ADGRA3: variants seen among roughly 807,000 people sequenced by gnomAD.
The protein encoded by ADGRA3 is G-protein coupled receptor 125.
ADGRA3 carries 56 observed loss-of-function variants against 119.8 expected under a neutral mutation model. That is an observed-to-expected ratio of 0.47 (90% CI 0.38 to 0.58). ADGRA3 has a LOEUF of 0.58. Among genes scored for constraint, ADGRA3 ranks in the 20% least tolerant of loss-of-function variants. The pLI is 0.00. For missense variants in ADGRA3, 1,516 were observed against 1,649.0 expected (o/e 0.92, Z 1.40); for synonymous variants, 607 against 623.8 (o/e 0.97, Z 0.40).
At chr4:22,427,488 A>C (rs948562112) in intron 10 of ADGRA3, among the ~76,000 whole-genome samples, 9 of 152,280 alleles carry the variant, frequency 5.9e-5, no homozygotes, top group African/African-American at 2.2e-4. Context: ...AATATCTCTA[A>C]GAAGGTACAG....
At chr4:22,461,472 G>A (rs995134666) in intron 3 of ADGRA3, among the ~76,000 whole-genome samples, 5 of 152,096 alleles carry the variant, frequency 3.3e-5, no homozygotes, top group African/African-American at 4.8e-5. Flanking sequence ...GCTCATTTTC[G>A]TATTTTTAGT....
rs1714194570 is a variant in ADGRA3 at position 22,392,869 on chromosome 4, A to G, written c.2482-179T>C. 23 of 556,636 alleles carry G rather than the reference A, an allele frequency of 4.1e-5. No homozygotes were observed. The East Asian group carries it at 6.9e-4, about 17-fold the overall frequency. 34.5% of individuals were successfully genotyped at this position (556,636 alleles called of 1,614,324 possible). ...TCTAATAGACATGTGACAGGGAATC[A>G]CAATCCTCAAATACACAAACCAACA... On this transcript the variant is annotated intron_variant, in intron 16 of 18. Transcript: ENST00000334304.
Position 22,413,178 on chromosome 4 carries a change from A to T in ADGRA3, c.2232+4T>A. 6.2e-7 allele frequency: 1 copy of T among 1,602,486 alleles called. No individual in the cohort carries two copies. ...TTTATGCATAAAGTTAACAACTGCCATACCATTAAAACTGCATAGTTACTA... is the reference window on the plus strand; with the variant it reads ...TTTATGCATAAAGTTAACAACTGCCTTACCATTAAAACTGCATAGTTACTA... On this transcript the variant is annotated splice_donor_region_variant and intron_variant, in intron 14 of 18. Transcript: ENST00000334304.
chr4:22,420,901 C>T lies in ADGRA3; in HGVS notation c.1794G>A (p.Ser598=), dbSNP rs376329914. Residue 598 remains serine (S), a synonymous_variant, in exon 12 of 19, where the codon TCG becomes TCA. Coordinates refer to ENST00000334304, the MANE Select transcript of ADGRA3 (RefSeq NM_145290.4). ...TGTAACATACCTTTAGTGCCAGACT[C>T]GAAAATGTATTTGAAACATTGCACT... ...SFKCNVSNTF[S]SLALKNTIVE... is the part of the protein sequence containing the mutation. 1.2e-6 allele frequency: 2 copies of T among 1,613,768 alleles called. No individual in the cohort carries two copies. The highest frequency in any genetic ancestry group is 2.2e-5 in the South Asian group (2 of 91,076).
chr4:22,410,995 G>T (rs1365143487), intron 14 of ADGRA3, among the ~76,000 whole-genome samples: 1 of 152,140 alleles, frequency 6.6e-6, no homozygotes, highest in Non-Finnish European at 1.5e-5. Flanking sequence ...TTCCAGAAAA[G>T]GATTATACTA....
intron 12 of ADGRA3, among the ~76,000 whole-genome samples, chr4:22,414,873 C>G (rs763400210): frequency 2.0e-5 from 3 of 152,154 alleles, no homozygotes; most frequent in Non-Finnish European, 4.4e-5. Flanking sequence ...TCTTTCATCT[C>G]ACAAACTTTT....
At chr4:22,417,404 T>A (rs922957549) in intron 12 of ADGRA3, among the ~76,000 whole-genome samples, 3 of 151,070 alleles carry the variant, frequency 2.0e-5, no homozygotes, top group African/African-American at 7.4e-5. Context: ...CAGTAAGAGC[T>A]AATACTTACT....
intron 14 of ADGRA3, among the ~76,000 whole-genome samples, chr4:22,407,531 A>G (rs1390662984): frequency 2.6e-5 from 4 of 152,120 alleles, no homozygotes; most frequent in African/African-American, 9.7e-5. Flanking sequence ...AATAAATAAA[A>G]TAGAAAATGA....
At chr4:22,464,367 C>T (rs556018743) in intron 2 of ADGRA3, among the ~76,000 whole-genome samples, 53 of 152,206 alleles carry the variant, frequency 3.5e-4, no homozygotes, top group Middle Eastern at 6.8e-3. Flanking sequence ...GGAAGCTTCA[C>T]GAAATACATT....
intron 1 of ADGRA3, among the ~76,000 whole-genome samples, chr4:22,483,441 A>T (rs1241138669): frequency 6.6e-6 from 1 of 152,220 alleles, no homozygotes; most frequent in Non-Finnish European, 1.5e-5. Flanking sequence ...TATAAATCTC[A>T]GTCCCAGCCT....
Position 22,438,303 on chromosome 4 carries a change from T to C in ADGRA3, c.1038A>G (p.Ala346=). 2 of 1,612,270 alleles carry C rather than the reference T, an allele frequency of 1.2e-6. No homozygotes were observed. Among genetic ancestry groups the C allele is most frequent in the South Asian group, 2.2e-5 (2 of 91,012 alleles). ...CCACCCTCTCTGGAGGACAGTACTG[T>C]GCAGAACTCTCTAATACCACAATAT... ...TVDIVVLESS[A]QYCPPERVVN... is the part of the protein sequence containing the mutation. The change falls in exon 8 of 19, where the codon GCA becomes GCG. Residue 346 remains alanine (A), a synonymous_variant. Transcript: ENST00000334304.
At chr4:22,455,333 A>G (rs1471950768) in intron 3 of ADGRA3, among the ~76,000 whole-genome samples, 1 of 152,218 alleles carries the variant, frequency 6.6e-6, no homozygotes, top group Non-Finnish European at 1.5e-5. Flanking sequence ...CAGCCAGTAA[A>G]TGACAGATAA....
intron 7 of ADGRA3, among the ~76,000 whole-genome samples, chr4:22,440,459 T>C (rs1716567963): frequency 1.3e-5 from 2 of 152,252 alleles, no homozygotes; most frequent in Non-Finnish European, 2.9e-5. Context: ...TAACCACATA[T>C]TTCTTTCTTT....
At chr4:22,449,083 C>T (rs1716933521) in intron 4 of ADGRA3, among the ~76,000 whole-genome samples, 1 of 151,928 alleles carries the variant, frequency 6.6e-6, no homozygotes, top group South Asian at 2.1e-4. Flanking sequence ...CCAGCCTGGC[C>T]AAAATGGTGA....
In ADGRA3 at chr4:22,431,955, A is replaced by C. The variant is rs1314572742; in HGVS notation, c.1443+3356T>G. ...ATTAGCATATGGTCAATTTGGTTTCATTACATATCATTTCAGTTAAAGTTG... is the reference window on the plus strand; with the variant it reads ...ATTAGCATATGGTCAATTTGGTTTCCTTACATATCATTTCAGTTAAAGTTG... On this transcript the variant is annotated intron_variant, in intron 10 of 18. Coordinates refer to ENST00000334304, the MANE Select transcript of ADGRA3 (RefSeq NM_145290.4). Among the ~76,000 whole-genome samples the C allele has an allele frequency of 2.0e-5, 3 of 152,116 alleles. No individual in the cohort carries two copies. In the East Asian group the frequency reaches 5.8e-4, roughly 29 times the overall value.
chr4:22,492,828 A>G (rs1329893234), intron 1 of ADGRA3, among the ~76,000 whole-genome samples: 2 of 152,262 alleles, frequency 1.3e-5, no homozygotes, highest in African/African-American at 4.8e-5. Flanking sequence ...CATCATCTAG[A>G]GATGACCATT....
intron 2 of ADGRA3, among the ~76,000 whole-genome samples, chr4:22,467,004 C>T (rs769358736): frequency 1.3e-5 from 2 of 152,140 alleles, no homozygotes; most frequent in Non-Finnish European, 2.9e-5. Flanking sequence ...CAAGGCTGTT[C>T]ATAAAGCCAG....
intron 15 of ADGRA3, among the ~76,000 whole-genome samples, chr4:22,402,114 C>T (rs1560298074): frequency 6.6e-6 from 1 of 152,108 alleles, no homozygotes; most frequent in Non-Finnish European, 1.5e-5. Context: ...TCTAGCAAAA[C>T]GTTTTGTAAA....
At position 22,413,977 on chromosome 4, in the gene ADGRA3, T is replaced by C. The variant is rs1715329902; in HGVS notation, c.1810-163A>G. The C allele has an allele frequency of 7.3e-6, 4 of 546,180 alleles. No homozygotes were observed. In the East Asian group the frequency reaches 1.2e-4, roughly 16 times the overall value. The allele number at this position is 546,180 out of a possible 1,614,324, so 33.8% of individuals were successfully genotyped here. ...TAAAAAAATCATCAGTCAAGCGAAA[T>C]GTCAACACCACATAACATAGATTAA... On this transcript the variant is annotated intron_variant, in intron 12 of 18. Coordinates refer to ENST00000334304, the MANE Select transcript of ADGRA3 (RefSeq NM_145290.4).
Sources: allele counts gnomAD v4.1 joint callset (sites outside exome capture counted in the v4.1 genomes callset), GRCh38; gene constraint gnomAD v4.1.1; transcripts MANE v1.5; gene names NCBI Gene and HGNC (gene_info 2026-07-23, HGNC 2026-07-21).